AXDND1: variants seen among roughly 807,000 people sequenced by gnomAD.
AXDND1 encodes the protein axonemal dynein light chain domain containing 1, also known as axonemal dynein light chain domain-containing protein 1.
AXDND1 carries 110 observed loss-of-function variants against 137.5 expected under a neutral mutation model. The ratio of observed to expected loss-of-function variants is 0.80; its 90% CI spans 0.69 to 0.94. AXDND1 has a LOEUF of 0.94. AXDND1 is among the 40% of genes least tolerant of loss of function. AXDND1 has a pLI of 0.00. For missense variants in AXDND1, 1,191 were observed against 1,169.8 expected (o/e 1.02, Z -0.26); for synonymous variants, 414 against 399.7 (o/e 1.04, Z -0.43).
intron 9 of AXDND1, among the ~76,000 whole-genome samples, chr1:179,392,028 G>A (rs190870338): frequency 1.3e-5 from 2 of 152,088 alleles, no homozygotes; most frequent in Non-Finnish European, 2.9e-5. Flanking sequence ...CCTGTCTTGG[G>A]TATATCCTTA....
At chr1:179,445,570 T>G (rs1659617412) in intron 16 of AXDND1, among the ~76,000 whole-genome samples, 2 of 152,172 alleles carry the variant, frequency 1.3e-5, no homozygotes, top group Admixed American at 6.5e-5. Context: ...CTCTATAGAT[T>G]TCCCTGTTCT....
intron 16 of AXDND1, 52 bp from the exon 17 acceptor site, chr1:179,468,391 A>G: frequency 7.8e-7 from 1 of 1,274,056 alleles, no homozygotes. Context: ...TGGTATTAAA[A>G]TAGTAGTCTT....
chr1:179,416,216 A>T (rs768480555), intron 12 of AXDND1, among the ~76,000 whole-genome samples: 9 of 152,062 alleles, frequency 5.9e-5, no homozygotes, highest in Non-Finnish European at 1.3e-4. Context: ...GGCTTATTTC[A>T]CTTAACAAAA....
chr1:179,528,399 C>A lies in AXDND1; in HGVS notation c.2683C>A (p.Pro895Thr). ...IGEDENVHSKPLFETDVLSSW... is the reference protein window; with the variant it reads ...IGEDENVHSKTLFETDVLSSW... Reference sequence around the variant, plus strand: ...AGAAGATGAAAATGTTCATTCCAAACCTCTATTTGAAACAGATGTGTTGTC... The same window carrying A: ...AGAAGATGAAAATGTTCATTCCAAAACTCTATTTGAAACAGATGTGTTGTC... The change falls in exon 23 of 26, where the codon CCT becomes ACT. Residue 895 changes from proline (P) to threonine (T), a missense_variant. Coordinates refer to ENST00000367618, the MANE Select transcript of AXDND1 (RefSeq NM_144696.6). The A allele has an allele frequency of 6.2e-7, 1 of 1,613,644 alleles. No homozygotes were observed. Among genetic ancestry groups the A allele is most frequent in the Non-Finnish European group, 8.5e-7 (1 of 1,179,572 alleles).
chr1:179,472,689 A>C (rs1218844874), intron 17 of AXDND1, among the ~76,000 whole-genome samples: 1 of 152,114 alleles, frequency 6.6e-6, no homozygotes, highest in East Asian at 1.9e-4. Context: ...TATTAGGTGC[A>C]CACGTTTATA....
intron 18 of AXDND1, among the ~76,000 whole-genome samples, chr1:179,491,127 C>T (rs1243369522): frequency 1.3e-5 from 2 of 152,096 alleles, no homozygotes; most frequent in Admixed American, 6.6e-5. Context: ...AGTTCAAGTT[C>T]GGCCTGGGCA....
intron 16 of AXDND1, chr1:179,452,692 CT>C (rs1290354146): frequency 2.3e-5 from 1 of 42,882 alleles, no homozygotes; most frequent in Non-Finnish European, 4.0e-5. Context: ...GAGACTCCGT[CT>C]CAAAAAAAAA....
Position 179,488,879 on chromosome 1 carries a change from C to T in AXDND1, c.2092-2659C>T, listed in dbSNP as rs566903793. On this transcript the variant is annotated intron_variant, in intron 18 of 25. Coordinates refer to ENST00000367618, the MANE Select transcript of AXDND1 (RefSeq NM_144696.6). ...CCTCCCAAGTAGCTGGAATTACAGGCGCGTGCCACCACACCAGGCCAATTT... is the reference window on the plus strand; with the variant it reads ...CCTCCCAAGTAGCTGGAATTACAGGTGCGTGCCACCACACCAGGCCAATTT... Among the ~76,000 whole-genome samples the T allele has an allele frequency of 2.0e-4, 29 of 145,472 alleles. 2 individuals carry two copies. The highest frequency in any genetic ancestry group is 3.4e-3 in the Middle Eastern group (1 of 290).
intron 4 of AXDND1, among the ~76,000 whole-genome samples, chr1:179,376,994 C>T (rs759628551): frequency 2.0e-4 from 31 of 151,990 alleles, no homozygotes; most frequent in Non-Finnish European, 3.1e-4. Context: ...TGCAGTGGCA[C>T]GATCTCAGCT....
chr1:179,393,366 A>G (rs55673841), intron 9 of AXDND1, among the ~76,000 whole-genome samples: 50,642 of 152,060 alleles, frequency 0.33, 8,931 homozygotes, highest in Middle Eastern at 0.45. Context: ...TTTGGTAACT[A>G]TAGCCTTGTA....
At chr1:179,488,719 TCTTTCTTTCTCTCTCTCTCTTTC>T (rs1666486147) in intron 18 of AXDND1, among the ~76,000 whole-genome samples, 2 of 86,896 alleles carry the variant, frequency 2.3e-5, no homozygotes, top group South Asian at 6.4e-4. Flanking sequence ...TCTCTCTCTC[TCTTTCTTTCTCTCTCTCTCTTTC>T]TTTTTTTTTT....
intron 9 of AXDND1, among the ~76,000 whole-genome samples, chr1:179,388,620 C>A (rs1475395206): frequency 6.6e-6 from 1 of 151,356 alleles, no homozygotes; most frequent in Non-Finnish European, 1.5e-5. Flanking sequence ...GACAGGATCT[C>A]GCTGTGGCCC....
intron 11 of AXDND1, among the ~76,000 whole-genome samples, chr1:179,407,864 T>G (rs1653222216): frequency 6.6e-6 from 1 of 152,188 alleles, no homozygotes; most frequent in Admixed American, 6.5e-5. Flanking sequence ...ATCTCTTCTC[T>G]TTCCGAAACT....
chr1:179,387,319 G>A (rs1303967933), intron 9 of AXDND1, among the ~76,000 whole-genome samples: 1 of 152,096 alleles, frequency 6.6e-6, no homozygotes, highest in South Asian at 2.1e-4. Flanking sequence ...ACCTTCTTGT[G>A]GTAATCATAA....
At chr1:179,500,804 C>T (rs190911889) in intron 20 of AXDND1, among the ~76,000 whole-genome samples, 10 of 152,068 alleles carry the variant, frequency 6.6e-5, no homozygotes, top group East Asian at 3.9e-4. Context: ...CCTGAGTAGC[C>T]GGGATTACAG....
At chr1:179,379,338 G>A (rs1199170316) in intron 5 of AXDND1, 59 bp from the exon 6 acceptor site, 2 of 1,538,984 alleles carry the variant, frequency 1.3e-6, no homozygotes, top group Middle Eastern at 2.2e-4. Flanking sequence ...ATTTGTGCAA[G>A]TGAATTTTTT....
intron 23 of AXDND1, among the ~76,000 whole-genome samples, chr1:179,531,356 A>G (rs1042161081): frequency 6.6e-6 from 1 of 151,872 alleles, no homozygotes; most frequent in African/African-American, 2.4e-5. Context: ...TCCCTCTCAT[A>G]CTCCTAACTT....
intron 23 of AXDND1, 33 bp downstream of exon 23, chr1:179,528,464 C>A: frequency 7.0e-7 from 1 of 1,429,494 alleles, no homozygotes; most frequent in Non-Finnish European, 9.9e-7. Context: ...GGGAATTCAA[C>A]ACTATTTAAC....
chr1:179,494,600 C>CTG (rs1667265016), intron 20 of AXDND1, among the ~76,000 whole-genome samples: 1 of 151,126 alleles, frequency 6.6e-6, no homozygotes, highest in Non-Finnish European at 1.5e-5. Flanking sequence ...ACTTGAACTC[C>CTG]TGAGCTCAAG....
Sources: allele counts gnomAD v4.1 joint callset (sites outside exome capture counted in the v4.1 genomes callset), GRCh38; gene constraint gnomAD v4.1.1; transcripts MANE v1.5; gene names NCBI Gene and HGNC (gene_info 2026-07-23, HGNC 2026-07-21).